Variants in XKR6 observed in about 807,000 individuals in gnomAD.
XKR6 encodes the protein XK-related protein 6.
A neutral mutation model predicts 56.7 loss-of-function variants in XKR6; 22 were observed. The observed-to-expected ratio is 0.39, with a 90% CI of 0.28 to 0.55. XKR6 has a LOEUF of 0.55. Ranked by LOEUF, XKR6 falls within the 20% of genes least tolerant of loss-of-function variation. XKR6 has a pLI of 0.66. For missense variants in XKR6, 852 were observed against 889.0 expected (o/e 0.96, Z 0.53); for synonymous variants, 524 against 387.8 (o/e 1.35, Z -4.13).
intron 1 of XKR6, among the ~76,000 whole-genome samples, chr8:11,133,003 G>C (rs556092968): frequency 6.6e-6 from 1 of 152,202 alleles, no homozygotes; most frequent in South Asian, 2.1e-4. Context: ...CAAAAATCTT[G>C]TAAGAAAAAT....
At chr8:11,130,815 C>T (rs1800069449) in intron 1 of XKR6, among the ~76,000 whole-genome samples, 1 of 152,050 alleles carries the variant, frequency 6.6e-6, no homozygotes, top group Admixed American at 6.5e-5. Context: ...TGCACACCTC[C>T]CAGAATCAAC....
chr8:10,955,610 G>C (rs1801861897), intron 1 of XKR6, among the ~76,000 whole-genome samples: 2 of 152,296 alleles, frequency 1.3e-5, no homozygotes, highest in African/African-American at 4.8e-5. Context: ...AGAAACTGAG[G>C]CAAGTAGTTT....
chr8:11,149,031 C>A (rs1244387783), intron 1 of XKR6, among the ~76,000 whole-genome samples: 1 of 152,130 alleles, frequency 6.6e-6, no homozygotes, highest in Admixed American at 6.6e-5. Context: ...GAGGGGATTA[C>A]AAAGGCACAT....
chr8:10,943,568 G>T (rs1801448703), intron 1 of XKR6, among the ~76,000 whole-genome samples: 1 of 152,084 alleles, frequency 6.6e-6, no homozygotes, highest in African/African-American at 2.4e-5. Context: ...CCACATGCCT[G>T]CTCCTTGACC....
chr8:10,996,773 G>C (rs544067898), intron 1 of XKR6, among the ~76,000 whole-genome samples: 1 of 152,234 alleles, frequency 6.6e-6, no homozygotes, highest in East Asian at 1.9e-4. Flanking sequence ...AGCACTTTGA[G>C]GGGCCAAGGT....
chr8:11,155,072 G>T (rs1425665314), intron 1 of XKR6, among the ~76,000 whole-genome samples: 2 of 152,198 alleles, frequency 1.3e-5, no homozygotes, highest in African/African-American at 4.8e-5. Context: ...CAGAACCATG[G>T]TTTCATCCTG....
chr8:11,097,182 C>T (rs1041348016), intron 1 of XKR6, among the ~76,000 whole-genome samples: 1 of 152,262 alleles, frequency 6.6e-6, no homozygotes, highest in Admixed American at 6.5e-5. Flanking sequence ...CTCCTTAGCC[C>T]ACTTGGTCCC....
At chr8:11,054,150 G>C (rs1442997994) in intron 1 of XKR6, among the ~76,000 whole-genome samples, 2 of 152,210 alleles carry the variant, frequency 1.3e-5, no homozygotes, top group South Asian at 4.1e-4. Flanking sequence ...TGTCATTGCG[G>C]GTGGTTAAAT....
chr8:11,114,907 T>C (rs1799097214), intron 1 of XKR6, among the ~76,000 whole-genome samples: 1 of 152,154 alleles, frequency 6.6e-6, no homozygotes, highest in African/African-American at 2.4e-5. Context: ...CTAACCTTTT[T>C]CTCTAACCAA....
chr8:11,047,568 C>T (rs1430451445), intron 1 of XKR6, among the ~76,000 whole-genome samples: 1 of 151,952 alleles, frequency 6.6e-6, no homozygotes, highest in South Asian at 2.1e-4. Flanking sequence ...GTCCCTAGAA[C>T]AGCCAGATTC....
chr8:11,087,796 A>G (rs186617650), intron 1 of XKR6, among the ~76,000 whole-genome samples: 1 of 152,364 alleles, frequency 6.6e-6, no homozygotes, highest in Admixed American at 6.5e-5. Flanking sequence ...TCACACGCAA[A>G]GGTCATCTCC....
intron 1 of XKR6, among the ~76,000 whole-genome samples, chr8:11,172,362 T>C: frequency 6.6e-6 from 1 of 152,068 alleles, no homozygotes; most frequent in East Asian, 1.9e-4. Flanking sequence ...AGACCCTGTC[T>C]CAAAAATAAA....
At chr8:11,164,328 T>C (rs1423620914) in intron 1 of XKR6, among the ~76,000 whole-genome samples, 1 of 152,238 alleles carries the variant, frequency 6.6e-6, no homozygotes, top group Non-Finnish European at 1.5e-5. Flanking sequence ...CGCTAGACTT[T>C]TTCCTTTTCT....
At chr8:11,065,790 T>C (rs896145036) in intron 1 of XKR6, among the ~76,000 whole-genome samples, 1 of 152,200 alleles carries the variant, frequency 6.6e-6, no homozygotes, top group Non-Finnish European at 1.5e-5. Flanking sequence ...AGCCCAGGGC[T>C]GGCTCCTGCC....
Position 10,898,166 on chromosome 8 carries a change from G to C in XKR6, c.1712C>G (p.Pro571Arg). The C allele has an allele frequency of 6.2e-7, 1 of 1,614,052 alleles. No individual in the cohort carries two copies. The highest frequency in any genetic ancestry group is 8.5e-7 in the Non-Finnish European group (1 of 1,179,950). The change falls in exon 3 of 3, where the codon CCT (proline) becomes CGT (arginine). Residue 571 changes from proline (P) to arginine (R), a missense_variant. Physicochemically the swap from Pro to Arg is moderately radical, Grantham distance 103. Coordinates refer to ENST00000416569, the MANE Select transcript of XKR6 (RefSeq NM_173683.4). The surrounding 1 kb of genome is among the most constrained non-coding windows in gnomAD (Gnocchi z 6.6). ...PVFQVRPMGP[P>R]TPLGRPYLPE... ...GAGGTAAGGACGCCCCAACGGGGTA[G>C]GGGGCCCCATGGGTCTCACTTGGAA...
At chr8:10,998,386 C>G (rs899884789) in intron 1 of XKR6, among the ~76,000 whole-genome samples, 2 of 152,156 alleles carry the variant, frequency 1.3e-5, no homozygotes, top group African/African-American at 4.8e-5. Context: ...GACCTGCAAG[C>G]CCTAGAATAA....
chr8:11,113,417 A>T (rs1451828345), intron 1 of XKR6, among the ~76,000 whole-genome samples: 1 of 152,250 alleles, frequency 6.6e-6, no homozygotes, highest in East Asian at 1.9e-4. Context: ...ATGTAAAAAG[A>T]AGCCACTGTA....
intron 1 of XKR6, among the ~76,000 whole-genome samples, chr8:11,184,647 A>G (rs994165762): frequency 6.6e-6 from 1 of 152,208 alleles, no homozygotes; most frequent in Non-Finnish European, 1.5e-5. Flanking sequence ...GTTTGGTTTT[A>G]CATTTAAGTC....
intron 1 of XKR6, among the ~76,000 whole-genome samples, chr8:10,937,715 G>A (rs1483442630): frequency 5.4e-5 from 8 of 147,986 alleles, no homozygotes; most frequent in African/African-American, 1.5e-4. Context: ...GGCTGCTCGG[G>A]GGTCAGGGGT....
Sources: gnomAD v4.1 joint callset for allele counts (sites outside exome capture counted in the v4.1 genomes callset) on GRCh38, gnomAD v4.1.1 for gene constraint, Gnocchi (gnomAD v3.1) non-coding constraint, MANE v1.5 for transcripts, NCBI Gene and HGNC (gene_info 2026-07-23, HGNC 2026-07-21) for gene names.